Variants in FLOT1 observed in about 807,000 individuals in gnomAD.
FLOT1 encodes the protein flotillin-1.
A neutral mutation model predicts 58.4 loss-of-function variants in FLOT1; 40 were observed. The observed-to-expected ratio is 0.69, with a 90% CI of 0.53 to 0.89. FLOT1 has a LOEUF of 0.89. Among genes scored for constraint, FLOT1 ranks in the 40% least tolerant of loss-of-function variants. The pLI, the probability that FLOT1 is intolerant of heterozygous loss-of-function variation, is 0.00. For synonymous variants in FLOT1, 178 were observed against 204.2 expected (o/e 0.87, Z 1.09); for missense variants, 423 against 540.8 (o/e 0.78, Z 2.16).
chr6:30,739,829 T>C (rs1777836981), intron 8 of FLOT1, among the ~76,000 whole-genome samples: 1 of 151,968 alleles, frequency 6.6e-6, no homozygotes, highest in South Asian at 2.1e-4. Context: ...GCCTGGCTAA[T>C]GTTTGTATTT....
In FLOT1 at chr6:30,742,122, C is replaced by T; in HGVS notation, c.43+25G>A. ...CTCACAGGGGTTCTGGGGTCACTGG[C>T]TGGGAAGGGAACAACAGTACTTACC... On this transcript the variant is annotated intron_variant, in intron 2 of 12. Transcript: ENST00000376389. This position sits in a 1 kb window ranked among gnomAD's most constrained non-coding sequence, Gnocchi z 5.2. The T allele has an allele frequency of 3.7e-6, 6 of 1,611,236 alleles. No individual in the cohort carries two copies. The highest frequency in any genetic ancestry group is 5.1e-6 in the Non-Finnish European group (6 of 1,178,942).
chr6:30,731,728 C>T (rs1777219392), intron 8 of FLOT1, among the ~76,000 whole-genome samples: 1 of 152,194 alleles, frequency 6.6e-6, no homozygotes, highest in African/African-American at 2.4e-5. Flanking sequence ...CTAGCCTAGG[C>T]TACTGCAATA....
At chr6:30,730,330 T>A in intron 11 of FLOT1, 98 bp downstream of exon 11, 1 of 1,496,894 alleles carries the variant, frequency 6.7e-7, no homozygotes, top group Non-Finnish European at 9.1e-7. Context: ...TAATTTAGAG[T>A]CCCCCTAGGC....
chr6:30,733,375 G>A (rs1332914579), intron 8 of FLOT1, among the ~76,000 whole-genome samples: 1 of 152,158 alleles, frequency 6.6e-6, no homozygotes, highest in East Asian at 1.9e-4. Context: ...CTGAAAGCAG[G>A]CTGCTATGTT....
At chr6:30,728,229 A>G in intron 12 of FLOT1, 84 bp from the exon 13 acceptor site, 3 of 1,159,318 alleles carry the variant, frequency 2.6e-6, no homozygotes, top group South Asian at 2.5e-5. Flanking sequence ...GTTTAGACGA[A>G]TGGGCTATAG....
rs1439711136 is a variant in FLOT1 at position 30,741,972 on chromosome 6, G to C, written c.44-105C>G. ...GCAACCCACAGGAGAGAATCTGGGA[G>C]CTGGAGGGGAAGCAGTCTGGGCCTT... On this transcript the variant is annotated intron_variant, in intron 2 of 12. Transcript: ENST00000376389. This position sits in a 1 kb window ranked among gnomAD's most constrained non-coding sequence, Gnocchi z 5.9. The C allele has an allele frequency of 8.1e-7, 1 of 1,233,328 alleles. No homozygotes were observed. Among genetic ancestry groups the C allele is most frequent in the Non-Finnish European group, 1.2e-6 (1 of 849,008 alleles). The allele number at this position is 1,233,328 out of a possible 1,614,324, so 76.4% of individuals were successfully genotyped here.
rs1486748178 is a variant in FLOT1, at chr6:30,737,207, G to GTCGT, written c.723+2947_723+2950dup. Among the ~76,000 whole-genome samples, 16 of 123,140 alleles carry GTCGT rather than the reference G, an allele frequency of 1.3e-4. No homozygotes were observed. The highest frequency in any genetic ancestry group is 2.5e-4 in the Non-Finnish European group (15 of 60,582). 80.8% of individuals were successfully genotyped at this position (123,140 alleles called of 152,430 possible). A position where few individuals can be genotyped will look rare whatever the true frequency, so the allele number is the denominator to read the frequency against. On this transcript the variant is annotated intron_variant, in intron 8 of 12. Transcript: ENST00000376389. The surrounding 1 kb of genome is among the most constrained non-coding windows in gnomAD (Gnocchi z 4.4). The stretch of plus-strand genomic sequence containing the variant: ...TGACTGACTGACTGACTGACTGTCT[G>GTCGT]TCGTCCGTCCGTCCGTCCGTCCGTC...
At chr6:30,729,835 T>A (rs1777022887) in intron 12 of FLOT1, among the ~76,000 whole-genome samples, 187 bp downstream of exon 12, 1 of 152,192 alleles carries the variant, frequency 6.6e-6, no homozygotes, top group Non-Finnish European at 1.5e-5. Context: ...AAATCCTATA[T>A]ACCCTAATGG....
At position 30,737,243 on chromosome 6, in the gene FLOT1, T is replaced by TCCAC. The variant is rs1290453269; in HGVS notation, c.723+2914_723+2915insGTGG. ...GTCCGTCCGTCCGTCCGTCCGTCCGTCCGTCCATCCGTCCATCCATCCATC... is the reference window on the plus strand; with the variant it reads ...GTCCGTCCGTCCGTCCGTCCGTCCGTCCACCCGTCCATCCGTCCATCCATCCATC... On this transcript the variant is annotated intron_variant, in intron 8 of 12. Transcript: ENST00000376389. The surrounding 1 kb of genome is among the most constrained non-coding windows in gnomAD (Gnocchi z 4.4). 1.8e-4 allele frequency among the ~76,000 whole-genome samples: 14 copies of TCCAC among 76,062 alleles called. No individual in the cohort carries two copies. The East Asian group carries it at 9.4e-3, about 51-fold the overall frequency. 49.9% of individuals were successfully genotyped at this position (76,062 alleles called of 152,430 possible).
rs148516220 is a variant in FLOT1 at position 30,737,208 on chromosome 6, TCGTCCGTCCGTC to T, written c.723+2938_723+2949del. On this transcript the variant is annotated intron_variant, in intron 8 of 12. Transcript: ENST00000376389. This position sits in a 1 kb window ranked among gnomAD's most constrained non-coding sequence, Gnocchi z 4.4. ...GACTGACTGACTGACTGACTGTCTG[TCGTCCGTCCGTC>T]CGTCCGTCCGTCCGTCCGTCCGTCC... Among the ~76,000 whole-genome samples the T allele has an allele frequency of 6.2e-3, 855 of 138,106 alleles. 9 individuals carry two copies. The highest frequency in any genetic ancestry group is 0.02 in the African/African-American group (714 of 35,740). 90.6% of individuals were successfully genotyped at this position (138,106 alleles called of 152,430 possible).
rs537963421 is a variant in FLOT1, at chr6:30,739,404, C to CT, written c.723+753dup. ...TCTTTTTTTGAGATGGAGTCTCACT[C>CT]TGTCACCCAGGCTGGAGTGCAATGG... is the stretch of plus-strand genomic sequence containing the variant. On this transcript the variant is annotated intron_variant, in intron 8 of 12. Coordinates refer to ENST00000376389, the MANE Select transcript of FLOT1 (RefSeq NM_005803.4). Among the ~76,000 whole-genome samples the CT allele has an allele frequency of 3.0e-4, 45 of 151,646 alleles. No individual in the cohort carries two copies. In the South Asian group the frequency reaches 8.5e-3, roughly 29 times the overall value.
intron 9 of FLOT1, 63 bp from the exon 10 acceptor site, chr6:30,730,790 A>T: frequency 6.2e-7 from 1 of 1,607,898 alleles, no homozygotes; most frequent in Non-Finnish European, 8.5e-7. Flanking sequence ...AGAAAGGCCC[A>T]GTGCTGCAGA....
At chr6:30,728,464 CTT>C (rs70987657) in intron 12 of FLOT1, among the ~76,000 whole-genome samples, 6 of 146,242 alleles carry the variant, frequency 4.1e-5, no homozygotes, top group Non-Finnish European at 6.0e-5. Flanking sequence ...TTTACATACG[CTT>C]TTTTTTTTTC....
chr6:30,728,276 T>C, intron 12 of FLOT1, 131 bp from the exon 13 acceptor site: 1 of 751,922 alleles, frequency 1.3e-6, no homozygotes, highest in Non-Finnish European at 2.4e-6. Flanking sequence ...TCTGGTGCCC[T>C]ACCACCTGTT....
chr6:30,740,476 G>A lies in FLOT1; in HGVS notation c.570+20C>T. 1 of 1,609,184 alleles carries A rather than the reference G, an allele frequency of 6.2e-7. No homozygotes were observed. The highest frequency in any genetic ancestry group is 8.5e-7 in the Non-Finnish European group (1 of 1,177,428). ...CCACTTCTATCCCCTTTCCCACTAA[G>A]CAACCCCCATCTCTCTCACCCGGAT... On this transcript the variant is annotated intron_variant, in intron 7 of 12. Transcript: ENST00000376389.
intron 6 of FLOT1, 36 bp downstream of exon 6, chr6:30,740,643 C>A: frequency 6.2e-7 from 1 of 1,612,892 alleles, no homozygotes; most frequent in East Asian, 2.2e-5. Context: ...GAGATGGGAG[C>A]AAGGAAGTGG....
rs1300204727 is a variant in FLOT1 at position 30,737,480 on chromosome 6, A to C, written c.723+2678T>G. Among the ~76,000 whole-genome samples, 1 of 151,724 alleles carries C rather than the reference A, an allele frequency of 6.6e-6. No individual in the cohort carries two copies. The highest frequency in any genetic ancestry group is 1.5e-5 in the Non-Finnish European group (1 of 67,908). ...TCACTGTTGGCCAGACTGGTCTCAA[A>C]CTCCCGGCCTCAAGTGATCTTCCTG... On this transcript the variant is annotated intron_variant, in intron 8 of 12. Transcript: ENST00000376389. The surrounding 1 kb of genome is among the most constrained non-coding windows in gnomAD (Gnocchi z 4.4).
Position 30,742,021 on chromosome 6 carries a change from C to T in FLOT1, c.43+126G>A, listed in dbSNP as rs1320580205. ...TTGGAATGGTGGGAATCAAACTGGG[C>T]AGTTCGTGGCCATCAAGGGGCAGAA... On this transcript the variant is annotated intron_variant, in intron 2 of 12. Transcript: ENST00000376389. The surrounding 1 kb of genome is among the most constrained non-coding windows in gnomAD (Gnocchi z 5.2). 1 of 1,188,346 alleles carries T rather than the reference C, an allele frequency of 8.4e-7. No homozygotes were observed. The highest frequency in any genetic ancestry group is 1.2e-6 in the Non-Finnish European group (1 of 809,540). 73.6% of individuals were successfully genotyped at this position (1,188,346 alleles called of 1,614,324 possible).
chr6:30,737,246 G>GTCCATCCATCCATCCATCCA lies in FLOT1; in HGVS notation c.723+2911_723+2912insTGGATGGATGGATGGATGGA, dbSNP rs1214356628. On this transcript the variant is annotated intron_variant, in intron 8 of 12. Coordinates refer to ENST00000376389, the MANE Select transcript of FLOT1 (RefSeq NM_005803.4). This position sits in a 1 kb window ranked among gnomAD's most constrained non-coding sequence, Gnocchi z 4.4. ...CGTCCGTCCGTCCGTCCGTCCGTCC[G>GTCCATCCATCCATCCATCCA]TCCATCCGTCCATCCATCCATCCAT... Among the ~76,000 whole-genome samples, 387 of 145,384 alleles carry GTCCATCCATCCATCCATCCA rather than the reference G, an allele frequency of 2.7e-3. 1 individual carries two copies. The highest frequency in any genetic ancestry group is 7.9e-3 in the African/African-American group (308 of 38,986).
Sources: allele counts gnomAD v4.1 joint callset (sites outside exome capture counted in the v4.1 genomes callset), GRCh38; gene constraint gnomAD v4.1.1; non-coding constraint Gnocchi (gnomAD v3.1); transcripts MANE v1.5; gene names NCBI Gene and HGNC (gene_info 2026-07-23, HGNC 2026-07-21).